Variants in KPNA5 observed in about 807,000 individuals in gnomAD.
KPNA5 encodes importin subunit alpha-6.
KPNA5 carries 46 observed loss-of-function variants against 71.3 expected under a neutral mutation model. The ratio of observed to expected loss-of-function variants is 0.65; its 90% CI spans 0.51 to 0.83. The LOEUF is 0.83. KPNA5 is among the 40% of genes least tolerant of loss of function. The pLI is 0.00. For synonymous variants in KPNA5, 207 were observed against 201.4 expected, an observed-to-expected ratio of 1.03 and a Z score of -0.24; for missense variants, 547 against 628.3, an observed-to-expected ratio of 0.87 and a Z score of 1.38.
chr6:116,728,950 A>T lies in KPNA5; in HGVS notation c.1254-613A>T, dbSNP rs527875495. On this transcript the variant is annotated intron_variant, in intron 12 of 13. Transcript: ENST00000368564. ...AGCCAATAACTAGAAAAGGACATGCATTCAGAAATTAAAGAATTTTTTTGT... is the reference window on the plus strand; with the variant it reads ...AGCCAATAACTAGAAAAGGACATGCTTTCAGAAATTAAAGAATTTTTTTGT... Among the ~76,000 whole-genome samples, 15 of 152,288 alleles carry T rather than the reference A, an allele frequency of 9.8e-5. No homozygotes were observed. In the South Asian group the frequency reaches 1.0e-3, roughly 11 times the overall value.
intron 13 of KPNA5, 125 bp downstream of exon 13, chr6:116,729,866 C>A: frequency 1.9e-6 from 1 of 521,154 alleles, no homozygotes; most frequent in Non-Finnish European, 3.2e-6. Flanking sequence ...TTTAAAATGT[C>A]ACCCGTAATT....
rs80264250 is a variant in KPNA5 at position 116,700,384 on chromosome 6, A to G, written c.435+1586A>G. The stretch of plus-strand genomic sequence containing the variant: ...ACTTGGGAGGCTGAAGTGAGAGTAT[A>G]ACTTGAGCCCAGACGTTTGAAGTTA... On this transcript the variant is annotated intron_variant, in intron 5 of 13. Coordinates refer to ENST00000368564, the MANE Select transcript of KPNA5 (RefSeq NM_001366306.2). Among the ~76,000 whole-genome samples the G allele has an allele frequency of 9.4e-4, 143 of 152,230 alleles. 4 individuals are homozygous for G. In the East Asian group the frequency reaches 0.024, roughly 25 times the overall value.
intron 6 of KPNA5, among the ~76,000 whole-genome samples, chr6:116,703,904 G>T (rs1033570122): frequency 6.6e-6 from 1 of 152,174 alleles, no homozygotes; most frequent in Admixed American, 6.5e-5. Context: ...ATGAATATGT[G>T]TTCTGAGAAA....
In KPNA5 at chr6:116,739,457, C is replaced by A. The variant is rs1351335970; in HGVS notation, c.*7134C>A. On this transcript the variant is annotated 3_prime_UTR_variant, in exon 14 of 14. Transcript: ENST00000368564. ...TTTATAGATTCAATGCCATCCCCAT[C>A]AAGCTACCAATGCCTTTCTTCACAG... The A allele has an allele frequency of 6.6e-6, 1 of 152,186 alleles. No individual in the cohort carries two copies. Among genetic ancestry groups the A allele is most frequent in the Non-Finnish European group, 1.5e-5 (1 of 68,028 alleles). The allele number at this position is 152,186 out of a possible 1,614,324, so 9.4% of individuals were successfully genotyped here.
At chr6:116,685,216 C>T (rs1046671009) in intron 1 of KPNA5, among the ~76,000 whole-genome samples, 1 of 152,114 alleles carries the variant, frequency 6.6e-6, no homozygotes, top group Non-Finnish European at 1.5e-5. Context: ...TTGATAGATG[C>T]CAACAATGTG....
At chr6:116,723,074 G>A (rs955508595) in intron 9 of KPNA5, among the ~76,000 whole-genome samples, 1 of 152,184 alleles carries the variant, frequency 6.6e-6, no homozygotes, top group African/African-American at 2.4e-5. Flanking sequence ...GAGCAGATAA[G>A]CAGGCTGGAG....
At position 116,732,074 on chromosome 6, in the gene KPNA5, T is replaced by TTATATATATA. The variant is rs2243369; in HGVS notation, c.1433-23_1433-14dup. On this transcript the variant is annotated intron_variant, in intron 13 of 13. Coordinates refer to ENST00000368564, the MANE Select transcript of KPNA5 (RefSeq NM_001366306.2). ...TACTGAAATTGTAGTAACAGTTTGT[T>TTATATATATA]TATATATATATATATATATATATAT... is the stretch of plus-strand genomic sequence containing the variant. 599 of 67,294 alleles carry TTATATATATA rather than the reference T, an allele frequency of 8.9e-3. 33 individuals are homozygous for TTATATATATA. Among genetic ancestry groups the TTATATATATA allele is most frequent in the Non-Finnish European group, 0.014 (437 of 32,114 alleles). 4.2% of individuals were successfully genotyped at this position (67,294 alleles called of 1,614,324 possible).
chr6:116,722,078 G>T (rs1779126218), intron 8 of KPNA5, 48 bp from the exon 9 acceptor site: 2 of 1,374,812 alleles, frequency 1.5e-6, no homozygotes, highest in Admixed American at 4.9e-5. Flanking sequence ...AAGGAAACTT[G>T]GTTTTAAATA....
chr6:116,685,876 G>T (rs1315002212), intron 1 of KPNA5, among the ~76,000 whole-genome samples: 3 of 152,118 alleles, frequency 2.0e-5, no homozygotes, highest in Non-Finnish European at 2.9e-5. Context: ...GCTTTCCACA[G>T]TGATTGAACT....
Position 116,698,799 on chromosome 6 carries a change from G to A in KPNA5, c.435+1G>A. On this transcript the variant is annotated splice_donor_variant, in intron 5 of 13. Coordinates refer to ENST00000368564, the MANE Select transcript of KPNA5 (RefSeq NM_001366306.2). LOFTEE classifies it high-confidence loss of function. ...AAGAAATGAAAATTGCACTTTACAA[G>A]TGAGTCTAAAGTTTTCTTTCTTAAT... 1 of 1,525,038 alleles carries A rather than the reference G, an allele frequency of 6.6e-7. No homozygotes were observed. The highest frequency in any genetic ancestry group is 8.9e-7 in the Non-Finnish European group (1 of 1,118,516). 94.5% of individuals were successfully genotyped at this position (1,525,038 alleles called of 1,614,324 possible).
chr6:116,715,180 A>C (rs917047554), intron 7 of KPNA5, among the ~76,000 whole-genome samples: 9 of 152,080 alleles, frequency 5.9e-5, no homozygotes, highest in African/African-American at 2.2e-4. Context: ...TAAAACAGGG[A>C]TTTTTTTAAC....
chr6:116,689,148 G>T (rs1777697436), intron 1 of KPNA5, among the ~76,000 whole-genome samples, 172 bp from the exon 2 acceptor site: 1 of 152,086 alleles, frequency 6.6e-6, no homozygotes, highest in Non-Finnish European at 1.5e-5. Flanking sequence ...TGGTCATTTT[G>T]CTCTAATCTT....
At chr6:116,686,455 T>G (rs1214440723) in intron 1 of KPNA5, among the ~76,000 whole-genome samples, 1 of 152,216 alleles carries the variant, frequency 6.6e-6, no homozygotes, top group East Asian at 1.9e-4. Flanking sequence ...TATTAGACCT[T>G]TATCAGATGC....
chr6:116,681,819 C>T (rs1777370609), intron 1 of KPNA5, among the ~76,000 whole-genome samples: 1 of 152,126 alleles, frequency 6.6e-6, no homozygotes, highest in Non-Finnish European at 1.5e-5. Context: ...GCAGGTGCCT[C>T]TAGTGCTCAT....
intron 7 of KPNA5, among the ~76,000 whole-genome samples, chr6:116,705,973 C>A (rs1357583056): frequency 2.6e-5 from 4 of 152,190 alleles, no homozygotes; most frequent in Admixed American, 2.6e-4. Flanking sequence ...AATCGAAGAT[C>A]TGTGTACAAA....
intron 7 of KPNA5, among the ~76,000 whole-genome samples, chr6:116,710,937 C>T (rs992055613): frequency 8.0e-6 from 1 of 125,196 alleles, no homozygotes. Flanking sequence ...CTCTGTTGCA[C>T]AGGCTGGAGT....
At chr6:116,696,050 C>A (rs1778015211) in intron 4 of KPNA5, among the ~76,000 whole-genome samples, 1 of 152,086 alleles carries the variant, frequency 6.6e-6, no homozygotes. Flanking sequence ...TGTCTAAATA[C>A]TATATTTCTG....
intron 2 of KPNA5, 25 bp from the exon 3 acceptor site, chr6:116,692,030 G>A: frequency 2.7e-6 from 4 of 1,468,508 alleles, no homozygotes; most frequent in Non-Finnish European, 3.8e-6. Context: ...AGCTCAATGT[G>A]TAAACTGATT....
chr6:116,733,043 CAT>C lies in KPNA5; in HGVS notation c.*724_*725del. ...AATGTTTAAATATTTCTGTTTTTAACATATAAGTGCTATGTATATTAGTATAT... is the reference window on the plus strand; with the variant it reads ...AATGTTTAAATATTTCTGTTTTTAACATAAGTGCTATGTATATTAGTATAT... On this transcript the variant is annotated 3_prime_UTR_variant, in exon 14 of 14. Transcript: ENST00000368564. 6.6e-6 allele frequency: 1 copy of C among 151,786 alleles called. No homozygotes were observed. The highest frequency in any genetic ancestry group is 2.1e-4 in the South Asian group (1 of 4,820). 9.4% of individuals were successfully genotyped at this position (151,786 alleles called of 1,614,324 possible). A position where few individuals can be genotyped will look rare whatever the true frequency, so the allele number is the denominator to read the frequency against.
Sources: gnomAD v4.1 joint callset for allele counts (sites outside exome capture counted in the v4.1 genomes callset) on GRCh38, gnomAD v4.1.1 for gene constraint, MANE v1.5 for transcripts, NCBI Gene and HGNC (gene_info 2026-07-23, HGNC 2026-07-21) for gene names.